Variants in SYT16 observed in about 807,000 individuals in gnomAD.
The protein encoded by SYT16 is synaptotagmin 16.
A neutral mutation model predicts 61.4 loss-of-function variants in SYT16; 42 were observed. That is an observed-to-expected ratio of 0.68 (90% CI 0.53 to 0.89). SYT16 has a LOEUF of 0.89. SYT16 is among the 40% of genes least tolerant of loss of function. The pLI is 0.00. For missense variants in SYT16, 804 were observed against 807.3 expected (o/e 1.00, Z 0.05); for synonymous variants, 314 against 302.3 (o/e 1.04, Z -0.40).
intron 1 of SYT16, among the ~76,000 whole-genome samples, chr14:61,842,300 A>G (rs1594741575): frequency 1.3e-5 from 2 of 152,176 alleles, no homozygotes; most frequent in South Asian, 4.1e-4. Flanking sequence ...GTACCCATTA[A>G]CCATCCCCAC....
chr14:61,976,723 A>G (rs930366943), intron 2 of SYT16, among the ~76,000 whole-genome samples: 3 of 152,046 alleles, frequency 2.0e-5, no homozygotes, highest in Non-Finnish European at 4.4e-5. Context: ...TTGTCCTCCT[A>G]GGACTCTGAG....
At chr14:62,071,077 T>G (rs1016363574) in intron 4 of SYT16, among the ~76,000 whole-genome samples, 3 of 152,230 alleles carry the variant, frequency 2.0e-5, no homozygotes, top group African/African-American at 7.2e-5. Context: ...ATGTATTTTA[T>G]TGCCATTCTT....
intron 5 of SYT16, among the ~76,000 whole-genome samples, chr14:62,078,384 G>C (rs929562944): frequency 2.6e-5 from 4 of 152,068 alleles, no homozygotes; most frequent in African/African-American, 9.7e-5. Flanking sequence ...TGGGGGGAGA[G>C]AGCGTGTTAG....
At chr14:62,013,791 A>G (rs1421866085) in intron 3 of SYT16, among the ~76,000 whole-genome samples, 1 of 152,042 alleles carries the variant, frequency 6.6e-6, no homozygotes, top group Non-Finnish European at 1.5e-5. Flanking sequence ...TGGTGAAACC[A>G]TGTCTCTACA....
intron 1 of SYT16, among the ~76,000 whole-genome samples, chr14:61,901,034 T>C (rs780300094): frequency 6.6e-6 from 1 of 152,190 alleles, no homozygotes; most frequent in Non-Finnish European, 1.5e-5. Context: ...GGTTCTGTGA[T>C]CCTGCCTTCC....
chr14:62,069,393 C>A, intron 3 of SYT16: 1 of 578,274 alleles, frequency 1.7e-6, no homozygotes, highest in Non-Finnish European at 3.1e-6. Context: ...TAGCTATATA[C>A]CGTATTTCTA....
chr14:61,832,922 T>A (rs2140237719), intron 1 of SYT16, among the ~76,000 whole-genome samples: 1 of 152,314 alleles, frequency 6.6e-6, no homozygotes, highest in Admixed American at 6.5e-5. Flanking sequence ...ACTTGACTAT[T>A]TTGTAGTCCG....
intron 1 of SYT16, among the ~76,000 whole-genome samples, chr14:61,965,986 G>A (rs760128894): frequency 2.6e-5 from 4 of 152,024 alleles, no homozygotes; most frequent in African/African-American, 4.8e-5. Context: ...ACAGAGTAAC[G>A]AAAAGTAAGC....
At chr14:62,015,901 CTAT>C (rs2053654002) in intron 3 of SYT16, among the ~76,000 whole-genome samples, 2 of 152,166 alleles carry the variant, frequency 1.3e-5, no homozygotes, top group Non-Finnish European at 2.9e-5. Flanking sequence ...TAAATCGTGA[CTAT>C]TATTGTGTCA....
chr14:62,079,486 G>T (rs115798436), intron 5 of SYT16: 114 of 453,272 alleles, frequency 2.5e-4, no homozygotes, highest in African/African-American at 2.2e-3. Flanking sequence ...TAAATGACTT[G>T]CCCAGTGTCA....
chr14:61,839,691 A>G (rs371672620), intron 1 of SYT16, among the ~76,000 whole-genome samples: 1 of 152,198 alleles, frequency 6.6e-6, no homozygotes, highest in African/African-American at 2.4e-5. Context: ...TTGGAGCCCA[A>G]TCACATTTGA....
chr14:62,080,414 C>G (rs1463603808), intron 5 of SYT16, among the ~76,000 whole-genome samples: 1 of 152,176 alleles, frequency 6.6e-6, no homozygotes, highest in Admixed American at 6.5e-5. Flanking sequence ...AAAGCTCTTG[C>G]CTGTGGAGAA....
intron 7 of SYT16, among the ~76,000 whole-genome samples, chr14:62,099,126 T>C (rs1170305835): frequency 6.6e-6 from 1 of 152,166 alleles, no homozygotes; most frequent in Non-Finnish European, 1.5e-5. Flanking sequence ...GAAATTGAGC[T>C]CTCATCTTGA....
intron 3 of SYT16, among the ~76,000 whole-genome samples, chr14:62,032,186 A>C (rs756625015): frequency 3.3e-5 from 5 of 152,196 alleles, no homozygotes; most frequent in African/African-American, 1.2e-4. Flanking sequence ...GAAGGGTAGA[A>C]GCTTAAAAGA....
intron 1 of SYT16, among the ~76,000 whole-genome samples, chr14:61,887,408 A>G (rs1384465351): frequency 6.6e-6 from 1 of 152,228 alleles, no homozygotes; most frequent in African/African-American, 2.4e-5. Context: ...TTTAGTCACC[A>G]GCTACATTAG....
intron 3 of SYT16, among the ~76,000 whole-genome samples, chr14:62,037,243 G>C (rs956431942): frequency 3.3e-5 from 5 of 151,922 alleles, no homozygotes; most frequent in Non-Finnish European, 7.4e-5. Flanking sequence ...TGTTCACAAG[G>C]TCTTGTAGTT....
rs138832495 is a variant in SYT16 at position 62,101,522 on chromosome 14, AT to A, written c.*821del. The stretch of plus-strand genomic sequence containing the variant: ...GACTACTGCAGTCATAGATTTATTG[AT>A]TTTTTCTGCTTCTGGTGTTCTTTTG... On this transcript the variant is annotated 3_prime_UTR_variant, in exon 8 of 8. Coordinates refer to ENST00000683842, the MANE Select transcript of SYT16 (RefSeq NM_001367656.1). 85 of 152,162 alleles carry A rather than the reference AT, an allele frequency of 5.6e-4. 1 individual carries two copies. The highest frequency in any genetic ancestry group is 2.0e-3 in the African/African-American group (82 of 41,532). 9.4% of individuals were successfully genotyped at this position (152,162 alleles called of 1,614,324 possible).
At chr14:62,076,034 A>G (rs533791072) in intron 5 of SYT16, among the ~76,000 whole-genome samples, 2 of 152,202 alleles carry the variant, frequency 1.3e-5, no homozygotes, top group African/African-American at 2.4e-5. Context: ...TTCTTTTTCA[A>G]GTAAAGCTTA....
intron 1 of SYT16, among the ~76,000 whole-genome samples, chr14:61,905,242 A>G (rs912940915): frequency 1.3e-5 from 2 of 152,224 alleles, no homozygotes; most frequent in Non-Finnish European, 2.9e-5. Flanking sequence ...CTGCGAACAC[A>G]TCTTTGAGAA....
Sources: gnomAD v4.1 joint callset for allele counts (sites outside exome capture counted in the v4.1 genomes callset) on GRCh38, gnomAD v4.1.1 for gene constraint, MANE v1.5 for transcripts, NCBI Gene and HGNC (gene_info 2026-07-23, HGNC 2026-07-21) for gene names.